SERHL2: variants seen among roughly 807,000 people sequenced by gnomAD.
SERHL2 encodes serine hydrolase like 2, also known as serine hydrolase-like protein 2.
Under a neutral mutation model 25.5 loss-of-function variants are expected in SERHL2, and 29 were observed. The observed-to-expected ratio is 1.14, with a 90% CI of 0.85 to 1.55. The LOEUF is 1.55. Ranked by LOEUF, SERHL2 falls within the 40% of genes most tolerant of loss-of-function variation. SERHL2 has a pLI of 0.00. For synonymous variants in SERHL2, 95 were observed against 103.5 expected, an observed-to-expected ratio of 0.92 and a Z score of 0.50; for missense variants, 240 against 252.3, an observed-to-expected ratio of 0.95 and a Z score of 0.33.
In SERHL2 at chr22:42,566,292, T is replaced by G; in HGVS notation, c.614-12T>G. On this transcript the variant is annotated splice_polypyrimidine_tract_variant and intron_variant, in intron 8 of 11. Coordinates refer to ENST00000327678, the MANE Select transcript of SERHL2 (RefSeq NM_014509.5). ...AGCATTGACGCTGCTGTCTTTGTGC[T>G]TCCGCCTCCAGGTCTGGTTCTGAAC... The G allele has an allele frequency of 6.2e-7, 1 of 1,611,380 alleles. No individual in the cohort carries two copies.
intron 8 of SERHL2, among the ~76,000 whole-genome samples, chr22:42,562,454 G>A (rs968780657): frequency 6.6e-6 from 1 of 151,794 alleles, no homozygotes; most frequent in East Asian, 1.9e-4. Context: ...CCACCTCTCT[G>A]GCTGCTGGGA....
intron 8 of SERHL2, among the ~76,000 whole-genome samples, chr22:42,561,278 T>C (rs971685394): frequency 6.6e-6 from 1 of 151,886 alleles, no homozygotes; most frequent in African/African-American, 2.4e-5. Context: ...GAAAATGTGC[T>C]AAGCTGGGCA....
chr22:42,568,391 T>TA (rs1923700889), intron 9 of SERHL2, among the ~76,000 whole-genome samples: 1 of 151,038 alleles, frequency 6.6e-6, no homozygotes, highest in Non-Finnish European at 1.5e-5. Flanking sequence ...TAAGGCTCAC[T>TA]CACTGGTGGT....
intron 8 of SERHL2, among the ~76,000 whole-genome samples, chr22:42,563,733 C>T (rs1922991383): frequency 6.6e-6 from 1 of 151,746 alleles, no homozygotes; most frequent in Non-Finnish European, 1.5e-5. Flanking sequence ...GCCCAAGGAC[C>T]AGAGCAGAAG....
At chr22:42,572,562 C>A in intron 11 of SERHL2, 33 bp downstream of exon 11, 1 of 1,607,236 alleles carries the variant, frequency 6.2e-7, no homozygotes, top group Non-Finnish European at 8.5e-7. Context: ...GGTGTCCAGC[C>A]ACTGTCGCCC....
chr22:42,560,104 C>A (rs1030238560), intron 7 of SERHL2, 82 bp from the exon 8 acceptor site: 5 of 966,544 alleles, frequency 5.2e-6, no homozygotes, highest in African/African-American at 3.2e-5. Flanking sequence ...GAGCCACCGT[C>A]CCCCCCGGCC....
At chr22:42,559,574 G>A (rs138801165) in intron 7 of SERHL2, among the ~76,000 whole-genome samples, 2 of 151,560 alleles carry the variant, frequency 1.3e-5, no homozygotes, top group East Asian at 3.9e-4. Context: ...TGGTGGTGGC[G>A]GGCGCCTGAA....
intron 7 of SERHL2, among the ~76,000 whole-genome samples, chr22:42,559,043 A>ACGCACG (rs2146675188): frequency 1.7e-5 from 1 of 58,792 alleles, no homozygotes; most frequent in South Asian, 6.6e-4. Context: ...GCCCCACCAC[A>ACGCACG]CGCACGCGCA....
chr22:42,560,838 A>AT (rs1302613937), intron 8 of SERHL2, among the ~76,000 whole-genome samples: 1 of 151,854 alleles, frequency 6.6e-6, no homozygotes, highest in Non-Finnish European at 1.5e-5. Context: ...CGGGCTCCAG[A>AT]GATCGTCCCA....
chr22:42,559,334 A>G (rs1922378146), intron 7 of SERHL2, among the ~76,000 whole-genome samples: 1 of 147,824 alleles, frequency 6.8e-6, no homozygotes, highest in Admixed American at 6.7e-5. Context: ...TAGCCCCAGG[A>G]GGTCGAGGCT....
chr22:42,565,397 C>T (rs1174531518), intron 8 of SERHL2: 1 of 151,480 alleles, frequency 6.6e-6, no homozygotes, highest in African/African-American at 2.4e-5. Context: ...TCGATCTCGG[C>T]TCACTGCAAC....
intron 11 of SERHL2, chr22:42,572,833 T>C (rs1924423145): frequency 9.0e-6 from 4 of 446,046 alleles, no homozygotes; most frequent in Non-Finnish European, 1.2e-5. Flanking sequence ...CCCAGCTAAT[T>C]TTTATATTTT....
At chr22:42,557,557 CAAAA>C (rs3046378) in intron 6 of SERHL2, among the ~76,000 whole-genome samples, 8,365 of 45,594 alleles carry the variant, frequency 0.18, 161 homozygotes, top group East Asian at 0.43. Flanking sequence ...CTCCGTCTCC[CAAAA>C]AAAAAAAAAA....
chr22:42,572,585 C>CCTCACCCAT (rs1320861320), intron 11 of SERHL2, 56 bp downstream of exon 11: 2 of 1,592,164 alleles, frequency 1.3e-6, no homozygotes, highest in Non-Finnish European at 1.7e-6. Flanking sequence ...TCTGGTCCCA[C>CCTCACCCAT]CTCACCCATC....
intron 9 of SERHL2, among the ~76,000 whole-genome samples, chr22:42,568,084 G>A (rs1923651350): frequency 6.6e-6 from 1 of 151,902 alleles, no homozygotes; most frequent in Non-Finnish European, 1.5e-5. Flanking sequence ...GAGTGCCATG[G>A]CTCAATTATG....
chr22:42,570,800 C>G (rs528646132), intron 9 of SERHL2, among the ~76,000 whole-genome samples: 1 of 152,032 alleles, frequency 6.6e-6, no homozygotes, highest in African/African-American at 2.4e-5. Flanking sequence ...AAAATCCAGG[C>G]CCAGAAGTGG....
intron 8 of SERHL2, chr22:42,563,618 T>C (rs117885227): frequency 0.013 from 2,420 of 180,188 alleles, 55 homozygotes; most frequent in Non-Finnish European, 0.022. Flanking sequence ...TAATAATTTG[T>C]TTAACTTGTG....
chr22:42,565,199 G>A, intron 8 of SERHL2: 1 of 153,230 alleles, frequency 6.5e-6, no homozygotes. Flanking sequence ...TCGACCGAGT[G>A]CACAGTTTCG....
chr22:42,570,359 G>A (rs560498421), intron 9 of SERHL2, among the ~76,000 whole-genome samples: 69 of 152,046 alleles, frequency 4.5e-4, no homozygotes, highest in African/African-American at 1.4e-3. Flanking sequence ...GGGAGGTTGC[G>A]GTAAACTGAG....
Sources: allele counts gnomAD v4.1 joint callset (sites outside exome capture counted in the v4.1 genomes callset), GRCh38; gene constraint gnomAD v4.1.1; transcripts MANE v1.5; gene names NCBI Gene and HGNC (gene_info 2026-07-23, HGNC 2026-07-21).